MAGI2: variants seen among roughly 807,000 people sequenced by gnomAD.
The protein encoded by MAGI2 is membrane-associated guanylate kinase, WW and PDZ domain-containing protein 2.
Under a neutral mutation model 133.3 loss-of-function variants are expected in MAGI2, and 35 were observed. That is an observed-to-expected ratio of 0.26 (90% CI 0.20 to 0.35). The LOEUF is 0.35. MAGI2 is among the 10% of genes least tolerant of loss of function. MAGI2 has a pLI of 1.00. For synonymous variants in MAGI2, 729 were observed against 710.6 expected, an observed-to-expected ratio of 1.03 and a Z score of -0.41; for missense variants, 1,636 against 1,863.4, an observed-to-expected ratio of 0.88 and a Z score of 2.25.
chr7:79,367,156 T>A (rs947693026), intron 1 of MAGI2, among the ~76,000 whole-genome samples: 1 of 152,232 alleles, frequency 6.6e-6, no homozygotes, highest in Non-Finnish European at 1.5e-5. Flanking sequence ...TCCTTCCACT[T>A]ACCCATCCGT....
chr7:78,818,115 T>G (rs1341159686), intron 2 of MAGI2, among the ~76,000 whole-genome samples: 1 of 152,224 alleles, frequency 6.6e-6, no homozygotes, highest in Non-Finnish European at 1.5e-5. Flanking sequence ...TAGTTTTTAT[T>G]TTTCTGAACC....
intron 9 of MAGI2, among the ~76,000 whole-genome samples, chr7:78,342,072 G>C (rs1790436762): frequency 6.6e-6 from 1 of 151,776 alleles, no homozygotes. Flanking sequence ...CTGACAAAGG[G>C]CTAATATCCA....
chr7:78,727,426 A>T (rs1320208182), intron 2 of MAGI2, among the ~76,000 whole-genome samples: 4 of 152,218 alleles, frequency 2.6e-5, no homozygotes, highest in African/African-American at 9.6e-5. Flanking sequence ...ATACTACAAA[A>T]TGTAATATGA....
chr7:78,537,206 C>CACACACAG (rs1554463967), intron 3 of MAGI2, among the ~76,000 whole-genome samples: 4 of 148,428 alleles, frequency 2.7e-5, no homozygotes, highest in East Asian at 2.0e-4. Flanking sequence ...CACACACACA[C>CACACACAG]AGACACATTT....
chr7:78,260,376 G>A (rs1264275613), intron 9 of MAGI2, among the ~76,000 whole-genome samples: 2 of 152,102 alleles, frequency 1.3e-5, no homozygotes, highest in Non-Finnish European at 2.9e-5. Context: ...AGGAAGACTG[G>A]CTCTGGCTCT....
chr7:78,894,927 A>G (rs16886376), intron 2 of MAGI2, among the ~76,000 whole-genome samples: 14,643 of 152,212 alleles, frequency 0.096, 763 homozygotes, highest in East Asian at 0.23. Context: ...CAGAGATCTT[A>G]AGTAAACAGA....
chr7:78,788,535 C>G (rs527359846), intron 2 of MAGI2, among the ~76,000 whole-genome samples: 2 of 150,628 alleles, frequency 1.3e-5, no homozygotes, highest in Non-Finnish European at 3.0e-5. Context: ...TTCTGGATCT[C>G]TTCATTTTTT....
At chr7:79,452,980 C>T (rs879605314) in intron 1 of MAGI2, 40 bp downstream of exon 1, 3 of 1,511,590 alleles carry the variant, frequency 2.0e-6, no homozygotes, top group Non-Finnish European at 2.6e-6. Flanking sequence ...CCGAGCGGTC[C>T]CACCGCCCGG....
At chr7:79,449,288 G>C (rs1475784224) in intron 1 of MAGI2, among the ~76,000 whole-genome samples, 1 of 151,702 alleles carries the variant, frequency 6.6e-6, no homozygotes, top group African/African-American at 2.4e-5. Context: ...GAGCAATGTA[G>C]ATCTTCTCTA....
chr7:78,975,542 T>C (rs192573881), intron 2 of MAGI2, among the ~76,000 whole-genome samples: 12 of 151,604 alleles, frequency 7.9e-5, no homozygotes, highest in Non-Finnish European at 5.9e-5. Context: ...TAGAGGGAAA[T>C]TTATAGTAAC....
intron 5 of MAGI2, among the ~76,000 whole-genome samples, chr7:78,492,076 A>G (rs1200255860): frequency 6.6e-6 from 1 of 152,048 alleles, no homozygotes; most frequent in Non-Finnish European, 1.5e-5. Context: ...CACAAAAGCA[A>G]ACACATCCAT....
rs116203026 is a variant in MAGI2, at chr7:78,497,472, T to C, written c.965+4105A>G. ...GGTTGCTGAGGGCAGAAAAAACCTT[T>C]CCCTCTTAAATGCAGAACCTCTAAA... On this transcript the variant is annotated intron_variant, in intron 5 of 21. Coordinates refer to ENST00000354212, the MANE Select transcript of MAGI2 (RefSeq NM_012301.4). Among the ~76,000 whole-genome samples the C allele has an allele frequency of 8.7e-4, 133 of 152,248 alleles. 1 individual carries two copies. The highest frequency in any genetic ancestry group is 3.2e-3 in the African/African-American group (132 of 41,554).
At chr7:78,938,927 G>A (rs1008410039) in intron 2 of MAGI2, among the ~76,000 whole-genome samples, 3 of 152,152 alleles carry the variant, frequency 2.0e-5, no homozygotes, top group African/African-American at 7.2e-5. Context: ...TAAGAGAAGA[G>A]AGCCTACCGG....
intron 1 of MAGI2, among the ~76,000 whole-genome samples, chr7:79,326,721 C>A (rs1489545805): frequency 1.3e-5 from 2 of 151,290 alleles, no homozygotes; most frequent in Non-Finnish European, 2.9e-5. Flanking sequence ...AAGTACAGGG[C>A]CACATTTAAA....
chr7:78,748,643 A>G (rs993715003), intron 2 of MAGI2, among the ~76,000 whole-genome samples: 1 of 152,194 alleles, frequency 6.6e-6, no homozygotes, highest in African/African-American at 2.4e-5. Context: ...TAGTTTGTGA[A>G]TAAACAATTT....
chr7:78,758,755 T>C (rs892873039), intron 2 of MAGI2, among the ~76,000 whole-genome samples: 2 of 152,176 alleles, frequency 1.3e-5, no homozygotes, highest in African/African-American at 4.8e-5. Flanking sequence ...TCTCAGACAA[T>C]ACAAATTCTT....
chr7:78,160,620 A>C (rs1824878489), intron 15 of MAGI2, among the ~76,000 whole-genome samples: 1 of 152,228 alleles, frequency 6.6e-6, no homozygotes, highest in South Asian at 2.1e-4. Context: ...AATTTACTGA[A>C]GATGGTCACA....
intron 1 of MAGI2, among the ~76,000 whole-genome samples, chr7:79,320,190 A>G (rs1839064780): frequency 6.6e-6 from 1 of 152,138 alleles, no homozygotes; most frequent in Non-Finnish European, 1.5e-5. Context: ...TTATAGTACT[A>G]TGATTTCCCA....
chr7:78,299,098 G>T (rs534900984), intron 9 of MAGI2, among the ~76,000 whole-genome samples: 2 of 152,026 alleles, frequency 1.3e-5, no homozygotes, highest in African/African-American at 4.8e-5. Context: ...GATTACAGGC[G>T]TGAGCTACCG....
Sources: gnomAD v4.1 joint callset for allele counts (sites outside exome capture counted in the v4.1 genomes callset) on GRCh38, gnomAD v4.1.1 for gene constraint, MANE v1.5 for transcripts, NCBI Gene and HGNC (gene_info 2026-07-23, HGNC 2026-07-21) for gene names.